The following GEMIN5 variants were observed in gnomAD, a reference collection of about 807,000 sequenced individuals.
GEMIN5 encodes gem-associated protein 5.
Under a neutral mutation model 176.9 loss-of-function variants are expected in GEMIN5, and 124 were observed. The ratio of observed to expected loss-of-function variants is 0.70; its 90% CI spans 0.61 to 0.81. GEMIN5 has a LOEUF of 0.81. Among genes scored for constraint, GEMIN5 ranks in the 40% least tolerant of loss-of-function variants. The pLI is 0.00. For missense variants in GEMIN5, 1,843 were observed against 1,814.6 expected (o/e 1.02, Z -0.28); for synonymous variants, 673 against 665.2 (o/e 1.01, Z -0.18).
chr5:154,921,863 G>A (rs952554741), intron 9 of GEMIN5, among the ~76,000 whole-genome samples: 1 of 152,168 alleles, frequency 6.6e-6, no homozygotes, highest in African/African-American at 2.4e-5. Flanking sequence ...GTTTGTGATT[G>A]TCTTTTAAAG....
chr5:154,937,891 G>C (rs118134227), intron 1 of GEMIN5, 77 bp downstream of exon 1: 3 of 1,288,248 alleles, frequency 2.3e-6, no homozygotes, highest in Non-Finnish European at 3.1e-6. Context: ...GTAGAAAACG[G>C]GGTGGAGTCG....
chr5:154,924,418 A>G (rs1266412770), intron 9 of GEMIN5, 51 bp downstream of exon 9: 2 of 1,186,936 alleles, frequency 1.7e-6, no homozygotes, highest in Non-Finnish European at 2.5e-6. Context: ...AGGGGTGGCC[A>G]ACCTTTTGGC....
chr5:154,911,918 G>A lies in GEMIN5; in HGVS notation c.1996-20C>T. The A allele has an allele frequency of 6.2e-7, 1 of 1,603,104 alleles. No individual in the cohort carries two copies. Among genetic ancestry groups the A allele is most frequent in the Non-Finnish European group, 8.5e-7 (1 of 1,174,980 alleles). On this transcript the variant is annotated intron_variant, in intron 14 of 27. Transcript: ENST00000285873. ...CCACACCTAAACCCAAAAGCACATGGCCGAAAAGACATTTTCTGGTTATTC... is the reference window on the plus strand; with the variant it reads ...CCACACCTAAACCCAAAAGCACATGACCGAAAAGACATTTTCTGGTTATTC...
intron 27 of GEMIN5, 66 bp from the exon 28 acceptor site, chr5:154,888,443 G>T: frequency 7.4e-7 from 1 of 1,354,760 alleles, no homozygotes; most frequent in Non-Finnish European, 1.0e-6. Flanking sequence ...CACCTGCACA[G>T]AAGGCACCAG....
At chr5:154,898,368 A>T in intron 23 of GEMIN5, 72 bp downstream of exon 23, 1 of 1,357,776 alleles carries the variant, frequency 7.4e-7, no homozygotes. Flanking sequence ...TGGGTTATTA[A>T]CTTGGATTTG....
Position 154,891,467 on chromosome 5 carries a change from T to C in GEMIN5, c.4036A>G (p.Thr1346Ala), listed in dbSNP as rs758607549. The change falls in exon 26 of 28, where the codon ACA (threonine) becomes GCA (alanine). Residue 1346 changes from threonine to alanine, a missense_variant. Physicochemically the swap from Thr to Ala is moderately conservative, Grantham distance 58. Coordinates refer to ENST00000285873, the MANE Select transcript of GEMIN5 (RefSeq NM_015465.5). ...CTCAGCATTCGCTCACCTTCTTCTGTGAGTCTCAAGTCTAGTTCTGAAGGC... is the reference window on the plus strand; with the variant it reads ...CTCAGCATTCGCTCACCTTCTTCTGCGAGTCTCAAGTCTAGTTCTGAAGGC... ...NRPSELDLRLTEEGERMLSTF... is the reference protein window; with the variant it reads ...NRPSELDLRLAEEGERMLSTF... 135 of 1,613,580 alleles carry C rather than the reference T, an allele frequency of 8.4e-5. No homozygotes were observed. Among genetic ancestry groups the C allele is most frequent in the Non-Finnish European group, 1.1e-4 (133 of 1,179,604 alleles).
chr5:154,892,827 G>A (rs1001238964), intron 24 of GEMIN5, among the ~76,000 whole-genome samples: 9 of 152,262 alleles, frequency 5.9e-5, no homozygotes, highest in South Asian at 2.1e-4. Flanking sequence ...GGCCAGGCGC[G>A]GTGGCTCATG....
intron 15 of GEMIN5, among the ~76,000 whole-genome samples, chr5:154,911,302 A>C (rs958998181): frequency 2.0e-5 from 3 of 152,142 alleles, no homozygotes; most frequent in African/African-American, 7.2e-5. Context: ...ACTTGAGGCC[A>C]GGAGTTTGAG....
At chr5:154,900,839 T>C (rs75898562) in intron 21 of GEMIN5, among the ~76,000 whole-genome samples, 1 of 151,136 alleles carries the variant, frequency 6.6e-6, no homozygotes, top group East Asian at 2.0e-4. Flanking sequence ...GAGTTTTGAT[T>C]TGTTGAATGC....
In GEMIN5 at chr5:154,904,573, C is replaced by A. The variant is rs1763531751; in HGVS notation, c.2566G>T (p.Asp856Tyr). 6.2e-7 allele frequency: 1 copy of A among 1,612,472 alleles called. No homozygotes were observed. Among genetic ancestry groups the A allele is most frequent in the Admixed American group, 1.7e-5 (1 of 60,002 alleles). The change falls in exon 18 of 28, where the codon GAC becomes TAC. Residue 856 changes from aspartate to tyrosine, a missense_variant. Physicochemically the swap from Asp to Tyr is radical, Grantham distance 160. Transcript: ENST00000285873. ...TGAAGCTCCTCTTTGGATCTGTGGTCCAGGCTTGTACTCAGGGGAAGCAAG... is the reference window on the plus strand; with the variant it reads ...TGAAGCTCCTCTTTGGATCTGTGGTACAGGCTTGTACTCAGGGGAAGCAAG... ...RSLLPLSTSLDHRSKEELHQD... is the reference protein window; with the variant it reads ...RSLLPLSTSLYHRSKEELHQD...
In GEMIN5 at chr5:154,922,058, C is replaced by T. The variant is rs180961296; in HGVS notation, c.1380-633G>A. Among the ~76,000 whole-genome samples the T allele has an allele frequency of 1.5e-3, 225 of 152,334 alleles. 1 individual carries two copies. The highest frequency in any genetic ancestry group is 5.4e-3 in the African/African-American group (223 of 41,572). On this transcript the variant is annotated intron_variant, in intron 9 of 27. Coordinates refer to ENST00000285873, the MANE Select transcript of GEMIN5 (RefSeq NM_015465.5). ...CTATGAATAATTAGCAGCTGACTTA[C>T]TTCCATTTATCTGACAAATTTATAG...
At chr5:154,900,941 A>G (rs1357805626) in intron 21 of GEMIN5, among the ~76,000 whole-genome samples, 1 of 152,220 alleles carries the variant, frequency 6.6e-6, no homozygotes, top group Admixed American at 6.5e-5. Flanking sequence ...AGCCATGAAA[A>G]GATCAAGCTG....
At chr5:154,896,491 G>C in intron 23 of GEMIN5, 148 bp from the exon 24 acceptor site, 1 of 685,176 alleles carries the variant, frequency 1.5e-6, no homozygotes, top group Non-Finnish European at 2.2e-6. Context: ...TATGAGTCAT[G>C]CATGAAAAGA....
rs371642910 is a variant in GEMIN5, at chr5:154,891,594, T to C, written c.3909A>G (p.Val1303=). 8.7e-6 allele frequency: 14 copies of C among 1,614,040 alleles called. No homozygotes were observed. The highest frequency in any genetic ancestry group is 1.7e-5 in the Admixed American group (1 of 59,996). ...SRPCPNSSVW[V]RAGHRTLSVE... is the part of the protein sequence containing the mutation. ...CAGAGAGTGTTCTGTGACCAGCCCT[T>C]ACCCAGACACTGGAATTTGGGCAAG... Residue 1303 remains valine (V), a synonymous_variant, in exon 26 of 28, where the codon GTA becomes GTG. Transcript: ENST00000285873.
chr5:154,904,871 T>TA (rs1052565252), intron 17 of GEMIN5, among the ~76,000 whole-genome samples: 2 of 152,096 alleles, frequency 1.3e-5, no homozygotes, highest in East Asian at 1.9e-4. Flanking sequence ...CATCAAGTGC[T>TA]AAAAAAAATT....
chr5:154,895,926 A>C (rs1348754432), intron 24 of GEMIN5, among the ~76,000 whole-genome samples, 166 bp downstream of exon 24: 1 of 152,208 alleles, frequency 6.6e-6, no homozygotes, highest in East Asian at 1.9e-4. Flanking sequence ...TTAAAGTTAA[A>C]GGGCTTTGAT....
intron 12 of GEMIN5, 83 bp from the exon 13 acceptor site, chr5:154,917,262 T>TC (rs2113490791): frequency 2.9e-6 from 2 of 690,968 alleles, no homozygotes; most frequent in Non-Finnish European, 4.6e-6. Flanking sequence ...CCTCATTCCG[T>TC]CAGTCAAGGA....
chr5:154,902,773 C>G, intron 19 of GEMIN5, 97 bp from the exon 20 acceptor site: 1 of 1,234,322 alleles, frequency 8.1e-7, no homozygotes, highest in Non-Finnish European at 1.2e-6. Context: ...AAGTGAGCTC[C>G]TAAAATATGC....
rs557609657 is a variant in GEMIN5, at chr5:154,928,699, T to G, written c.782-40A>C. The G allele has an allele frequency of 1.8e-5, 29 of 1,598,132 alleles. 1 individual carries two copies. The South Asian group carries it at 2.8e-4, about 15-fold the overall frequency. On this transcript the variant is annotated intron_variant, in intron 5 of 27. Coordinates refer to ENST00000285873, the MANE Select transcript of GEMIN5 (RefSeq NM_015465.5). The stretch of plus-strand genomic sequence containing the variant: ...GAAGGCCAGTGGGCACTCAAGACAG[T>G]GAAACTACATGCATGAAGTCACCGG...
Sources: gnomAD v4.1 joint callset for allele counts (sites outside exome capture counted in the v4.1 genomes callset) on GRCh38, gnomAD v4.1.1 for gene constraint, MANE v1.5 for transcripts, NCBI Gene and HGNC (gene_info 2026-07-23, HGNC 2026-07-21) for gene names.